Variants in ADGRV1 observed in about 807,000 individuals in gnomAD.
The protein encoded by ADGRV1 is G-protein coupled receptor 98.
A neutral mutation model predicts 596.2 loss-of-function variants in ADGRV1; 359 were observed. The ratio of observed to expected loss-of-function variants is 0.60; its 90% CI spans 0.55 to 0.66. The LOEUF (loss-of-function observed/expected upper bound fraction) is 0.66. Ranked by LOEUF, ADGRV1 falls within the 30% of genes least tolerant of loss-of-function variation. The pLI is 0.00. For synonymous variants in ADGRV1, 2,681 were observed against 2,679.2 expected (o/e 1.00, Z -0.02); for missense variants, 7,274 against 7,575.6 (o/e 0.96, Z 1.48).
intron 83 of ADGRV1, among the ~76,000 whole-genome samples, chr5:90,887,421 T>TCTATAGTA (rs1258525675): frequency 1.3e-5 from 2 of 152,160 alleles, no homozygotes; most frequent in Non-Finnish European, 2.9e-5. Context: ...TTTCCTGTTC[T>TCTATAGTA]CTATAGTACT....
intron 83 of ADGRV1, among the ~76,000 whole-genome samples, chr5:90,964,008 T>C (rs1026424956): frequency 3.9e-5 from 6 of 152,000 alleles, no homozygotes; most frequent in African/African-American, 1.4e-4. Flanking sequence ...CATTGTGAAA[T>C]TGAGATTTTG....
chr5:91,123,929 G>A (rs756287905), intron 87 of ADGRV1, among the ~76,000 whole-genome samples: 35 of 152,208 alleles, frequency 2.3e-4, no homozygotes, highest in Middle Eastern at 3.4e-3. Context: ...AAATAAACAT[G>A]ACTAGATTAT....
intron 11 of ADGRV1, 51 bp from the exon 12 acceptor site, chr5:90,642,585 A>G (rs986181608): frequency 7.0e-5 from 111 of 1,592,172 alleles, no homozygotes; most frequent in Non-Finnish European, 9.3e-5. Context: ...TGCAAAATTC[A>G]GAAGTAAAAC....
chr5:91,154,880 G>T (rs909458525), intron 89 of ADGRV1, among the ~76,000 whole-genome samples: 2 of 152,170 alleles, frequency 1.3e-5, no homozygotes, highest in African/African-American at 4.8e-5. Context: ...CCATGATCCA[G>T]TTGCCTCCAC....
chr5:90,727,244 C>T (rs1427669749), intron 48 of ADGRV1, among the ~76,000 whole-genome samples: 1 of 152,156 alleles, frequency 6.6e-6, no homozygotes, highest in Non-Finnish European at 1.5e-5. Context: ...TGTGTCACCA[C>T]ACCTGGCTGA....
At chr5:91,063,750 A>C (rs1354263771) in intron 85 of ADGRV1, among the ~76,000 whole-genome samples, 2 of 152,176 alleles carry the variant, frequency 1.3e-5, no homozygotes, top group African/African-American at 4.8e-5. Flanking sequence ...GCTGGCAGTG[A>C]GGTGCACTTT....
At chr5:91,084,628 G>T (rs899098322) in intron 86 of ADGRV1, among the ~76,000 whole-genome samples, 1 of 152,178 alleles carries the variant, frequency 6.6e-6, no homozygotes, top group South Asian at 2.1e-4. Flanking sequence ...TACACTGCTG[G>T]TGGGAGTGTA....
rs537460301 is a variant in ADGRV1, at chr5:90,815,941, C to T, written c.16196+205C>T. 2.6e-5 allele frequency among the ~76,000 whole-genome samples: 4 copies of T among 152,228 alleles called. No homozygotes were observed. The South Asian group carries it at 8.3e-4, about 32-fold the overall frequency. ...TTAGGGTTACCTTGAGTGTTTTCTA[C>T]TTCATGAAGTACCATACAAATATCA... On this transcript the variant is annotated intron_variant, in intron 75 of 89. Coordinates refer to ENST00000405460, the MANE Select transcript of ADGRV1 (RefSeq NM_032119.4).
At chr5:90,642,605 C>T (rs770498224) in intron 11 of ADGRV1, 31 bp from the exon 12 acceptor site, 36 of 1,602,142 alleles carry the variant, frequency 2.2e-5, no homozygotes, top group Non-Finnish European at 2.8e-5. Flanking sequence ...CTGGAAGTAG[C>T]GGGTGCCATT....
rs79930202 is a variant in ADGRV1, at chr5:90,784,183, T to C, written c.13653+126T>C. 2,036 of 656,562 alleles carry C rather than the reference T, an allele frequency of 3.1e-3. 9 individuals carry two copies. Among genetic ancestry groups the C allele is most frequent in the Non-Finnish European group, 4.5e-3 (1,777 of 393,428 alleles). The allele number at this position is 656,562 out of a possible 1,614,324, so 40.7% of individuals were successfully genotyped here. A position where few individuals can be genotyped will look rare whatever the true frequency, so the allele number is the denominator to read the frequency against. ...ATCAATATTTATTAATTATCTTGTA[T>C]GTGTACAGCAGCTTTTGAGCCAGAT... On this transcript the variant is annotated intron_variant, in intron 67 of 89. Coordinates refer to ENST00000405460, the MANE Select transcript of ADGRV1 (RefSeq NM_032119.4).
intron 89 of ADGRV1, among the ~76,000 whole-genome samples, chr5:91,155,514 C>T (rs1197556306): frequency 6.6e-6 from 1 of 152,164 alleles, no homozygotes; most frequent in Admixed American, 6.5e-5. Flanking sequence ...ATAGTCATTC[C>T]GCAATGGGAG....
At position 90,705,561 on chromosome 5, in the gene ADGRV1, A is replaced by G. The variant is rs1748482954; in HGVS notation, c.8548A>G (p.Arg2850Gly). The change falls in exon 37 of 90, where the codon AGA becomes GGA. Residue 2850 changes from arginine to glycine, a missense_variant. Coordinates refer to ENST00000405460, the MANE Select transcript of ADGRV1 (RefSeq NM_032119.4). Reference sequence around the variant, plus strand: ...CATAACAATTCAGCTTTTCATCAACAGAGAATTTGGATCTCTAGGTTTGTG... The same window carrying G: ...CATAACAATTCAGCTTTTCATCAACGGAGAATTTGGATCTCTAGGTTTGTG... ...ANITIQLFIN[R>G]EFGSLGAINV... The G allele has an allele frequency of 6.2e-7, 1 of 1,613,588 alleles. No individual in the cohort carries two copies. The highest frequency in any genetic ancestry group is 1.7e-5 in the Admixed American group (1 of 60,006).
intron 88 of ADGRV1, among the ~76,000 whole-genome samples, chr5:91,151,008 AT>A (rs1312916169): frequency 2.6e-5 from 4 of 152,146 alleles, no homozygotes; most frequent in Non-Finnish European, 2.9e-5. Context: ...CTTGGTTACC[AT>A]TTTTTTATAA....
chr5:90,817,823 A>G (rs1763055293), intron 75 of ADGRV1, among the ~76,000 whole-genome samples: 1 of 152,142 alleles, frequency 6.6e-6, no homozygotes, highest in Non-Finnish European at 1.5e-5. Flanking sequence ...GTAGCCTTGT[A>G]GTATAGTTTG....
chr5:91,008,798 G>A, intron 85 of ADGRV1, among the ~76,000 whole-genome samples: 1 of 152,120 alleles, frequency 6.6e-6, no homozygotes, highest in East Asian at 1.9e-4. Flanking sequence ...ACCATGTCTG[G>A]CCTGTATAAT....
intron 78 of ADGRV1, among the ~76,000 whole-genome samples, chr5:90,843,471 A>G (rs1187439664): frequency 3.3e-5 from 5 of 152,210 alleles, no homozygotes; most frequent in Non-Finnish European, 7.4e-5. Flanking sequence ...AAAGCAAAAT[A>G]GAGCTGAACC....
intron 79 of ADGRV1, 94 bp from the exon 80 acceptor site, chr5:90,853,190 T>A: frequency 8.3e-7 from 1 of 1,201,406 alleles, no homozygotes; most frequent in South Asian, 1.7e-5. Context: ...ACATGAAGAA[T>A]AGAATCCAAG....
Position 90,811,303 on chromosome 5 carries a change from CTG to C in ADGRV1, c.16044_16045del (p.Gly5349IlefsTer13). ...CAGATTGTGGAGGAGAAGGATGATA[CTG>C]GATTTGCAGCTTTTGCCATGGTTAT... On this transcript the variant is annotated frameshift_variant, in exon 74 of 90. Coordinates refer to ENST00000405460, the MANE Select transcript of ADGRV1 (RefSeq NM_032119.4). LOFTEE classifies it high-confidence loss of function. The C allele has an allele frequency of 1.2e-6, 2 of 1,609,688 alleles. No homozygotes were observed. The highest frequency in any genetic ancestry group is 1.7e-6 in the Non-Finnish European group (2 of 1,178,022).
chr5:90,743,325 A>G (rs75503286), intron 50 of ADGRV1, among the ~76,000 whole-genome samples: 3,854 of 152,314 alleles, frequency 0.025, 166 homozygotes, highest in African/African-American at 0.09. Flanking sequence ...GTCCATTACT[A>G]TAAATAAGCA....
Sources: gnomAD v4.1 joint callset for allele counts (sites outside exome capture counted in the v4.1 genomes callset) on GRCh38, gnomAD v4.1.1 for gene constraint, MANE v1.5 for transcripts, NCBI Gene and HGNC (gene_info 2026-07-23, HGNC 2026-07-21) for gene names.